The following SLC16A1 variants were observed in gnomAD, a reference collection of about 807,000 sequenced individuals.
SLC16A1 encodes the protein monocarboxylate transporter 1.
Under a neutral mutation model 32.2 loss-of-function variants are expected in SLC16A1, and 11 were observed. That is an observed-to-expected ratio of 0.34 (90% CI 0.21 to 0.56). The LOEUF is 0.56. Among genes scored for constraint, SLC16A1 ranks in the 20% least tolerant of loss-of-function variants. The probability of loss-of-function intolerance (pLI) is 0.87; values close to 1 mark genes in which losing one functional copy is unlikely to be tolerated. For synonymous variants in SLC16A1, 231 were observed against 226.8 expected (o/e 1.02, Z -0.17); for missense variants, 435 against 615.0 (o/e 0.71, Z 3.10).
intron 1 of SLC16A1, among the ~76,000 whole-genome samples, chr1:112,942,818 C>G (rs1322723771): frequency 2.0e-5 from 3 of 152,148 alleles, no homozygotes; most frequent in Non-Finnish European, 4.4e-5. Context: ...AATCCTAATC[C>G]TCTTGTACAG....
chr1:112,929,698 T>C (rs1649062808), intron 1 of SLC16A1, among the ~76,000 whole-genome samples: 1 of 152,010 alleles, frequency 6.6e-6, no homozygotes. Context: ...AATTAAAAAA[T>C]TAGCCAGACA....
chr1:112,917,745 C>A lies in SLC16A1; in HGVS notation c.661G>T (p.Gly221Cys). The change falls in exon 4 of 5, where the codon GGT (glycine) becomes TGT (cysteine). Residue 221 changes from glycine (G) to cysteine (C), a missense_variant. By Grantham distance (159) the Gly-to-Cys change is radical. Transcript: ENST00000369626. The surrounding 1 kb of genome is among the most constrained non-coding windows in gnomAD (Gnocchi z 4.1). ...KASLEKAGKSGVKKDLHDANT... is the reference protein window; with the variant it reads ...KASLEKAGKSCVKKDLHDANT... ...GCATCATGCAGATCTTTTTTCACACCAGATTTTCCAGCTTTCTCAAGGGAT... is the reference window on the plus strand; with the variant it reads ...GCATCATGCAGATCTTTTTTCACACAAGATTTTCCAGCTTTCTCAAGGGAT... The A allele has an allele frequency of 6.2e-7, 1 of 1,614,130 alleles. No homozygotes were observed. The highest frequency in any genetic ancestry group is 8.5e-7 in the Non-Finnish European group (1 of 1,180,026).
intron 1 of SLC16A1, among the ~76,000 whole-genome samples, chr1:112,946,829 G>T (rs1308398400): frequency 1.3e-5 from 2 of 152,050 alleles, no homozygotes; most frequent in South Asian, 2.1e-4. Context: ...CTGGGAGAAA[G>T]AACTTATCAA....
Position 112,924,112 on chromosome 1 carries a change from C to T in SLC16A1, c.218-1979G>A. ...CTGGTAGAGAAGGCCCTGCAGGCCG[C>T]GTATGGCGCCAGCGCCCCCAGCATG... is the stretch of plus-strand genomic sequence containing the variant. On this transcript the variant is annotated intron_variant, in intron 2 of 4. Coordinates refer to ENST00000369626, the MANE Select transcript of SLC16A1 (RefSeq NM_003051.4). 3.7e-6 allele frequency: 5 copies of T among 1,363,032 alleles called. No individual in the cohort carries two copies. The South Asian group carries it at 5.8e-5, about 16-fold the overall frequency. The allele number at this position is 1,363,032 out of a possible 1,614,324, so 84.4% of individuals were successfully genotyped here.
chr1:112,919,550 C>T (rs1487781954), intron 3 of SLC16A1, among the ~76,000 whole-genome samples: 2 of 152,084 alleles, frequency 1.3e-5, no homozygotes, highest in African/African-American at 4.8e-5. Context: ...TTTCAGGAAC[C>T]AGTAAAAATT....
chr1:112,941,259 C>T (rs1039112081), intron 1 of SLC16A1, among the ~76,000 whole-genome samples: 2 of 151,056 alleles, frequency 1.3e-5, no homozygotes, highest in African/African-American at 4.9e-5. Context: ...AAGTTTATCC[C>T]CTATAGACCT....
At chr1:112,923,439 C>T (rs1648812029) in intron 2 of SLC16A1, 6 of 694,900 alleles carry the variant, frequency 8.6e-6, no homozygotes, top group East Asian at 2.8e-5. Flanking sequence ...CGGCCCTCCA[C>T]GGTGTTGGGT....
At chr1:112,920,360 C>A (rs1648677360) in intron 3 of SLC16A1, among the ~76,000 whole-genome samples, 1 of 152,124 alleles carries the variant, frequency 6.6e-6, no homozygotes, top group Non-Finnish European at 1.5e-5. Flanking sequence ...GTAATCCCAG[C>A]ACTTTGGGAG....
chr1:112,950,178 C>T (rs1210153043), intron 1 of SLC16A1, among the ~76,000 whole-genome samples: 1 of 152,036 alleles, frequency 6.6e-6, no homozygotes, highest in Non-Finnish European at 1.5e-5. Flanking sequence ...GTTCACAGAC[C>T]CCTCGAATTC....
chr1:112,939,394 A>C (rs1239756453), intron 1 of SLC16A1, among the ~76,000 whole-genome samples: 1 of 152,216 alleles, frequency 6.6e-6, no homozygotes, highest in Non-Finnish European at 1.5e-5. Context: ...ATCCAAAGGA[A>C]CTGAAATCTG....
intron 1 of SLC16A1, among the ~76,000 whole-genome samples, chr1:112,931,769 T>C (rs1015251203): frequency 3.9e-5 from 6 of 152,002 alleles, no homozygotes; most frequent in Non-Finnish European, 7.4e-5. Context: ...TTACATTTTC[T>C]AATAAGATTT....
intron 1 of SLC16A1, among the ~76,000 whole-genome samples, chr1:112,936,568 C>CTAAT (rs1293246539): frequency 6.6e-6 from 1 of 151,304 alleles, no homozygotes; most frequent in African/African-American, 2.4e-5. Context: ...TATTTCTGAC[C>CTAAT]TAATCTCTTT....
intron 4 of SLC16A1, 24 bp from the exon 5 acceptor site, chr1:112,914,189 C>T (rs372983067): frequency 5.0e-6 from 8 of 1,613,220 alleles, no homozygotes; most frequent in African/African-American, 2.7e-5. Flanking sequence ...ACAACACAAA[C>T]AGTTGTTTCT....
intron 2 of SLC16A1, among the ~76,000 whole-genome samples, chr1:112,923,188 G>A (rs1409725326): frequency 3.9e-5 from 6 of 152,084 alleles, no homozygotes; most frequent in African/African-American, 7.2e-5. Flanking sequence ...GCGTGGTGGC[G>A]CATGCCTGTA....
chr1:112,955,339 C>G (rs1310581806), intron 1 of SLC16A1: 1 of 152,184 alleles, frequency 6.6e-6, no homozygotes, highest in Non-Finnish European at 1.5e-5. Context: ...CTCAACAGGG[C>G]CGCCTTAAGT....
At chr1:112,927,462 T>C (rs977341471) in intron 2 of SLC16A1, among the ~76,000 whole-genome samples, 1 of 152,108 alleles carries the variant, frequency 6.6e-6, no homozygotes, top group African/African-American at 2.4e-5. Context: ...GTGGTCCAAA[T>C]GAACAAGTTA....
chr1:112,917,034 A>G lies in SLC16A1; in HGVS notation c.1228+144T>C. On this transcript the variant is annotated intron_variant, in intron 4 of 4. Transcript: ENST00000369626. This position sits in a 1 kb window ranked among gnomAD's most constrained non-coding sequence, Gnocchi z 4.1. ...ATATTTGAGCAATTATGCTGTGCCA[A>G]GCATTGTCCCAGCATCAAGGGTACA... The G allele has an allele frequency of 2.9e-6, 3 of 1,037,860 alleles. No individual in the cohort carries two copies. The South Asian group carries it at 4.1e-5, about 14-fold the overall frequency. The allele number at this position is 1,037,860 out of a possible 1,614,324, so 64.3% of individuals were successfully genotyped here.
intron 2 of SLC16A1, among the ~76,000 whole-genome samples, chr1:112,924,830 G>A (rs527598273): frequency 2.0e-5 from 3 of 152,184 alleles, no homozygotes; most frequent in African/African-American, 7.2e-5. Flanking sequence ...AAGTTGCAGT[G>A]AGATGAGATC....
intron 1 of SLC16A1, among the ~76,000 whole-genome samples, chr1:112,934,830 A>G (rs1451132326): frequency 6.6e-6 from 1 of 152,204 alleles, no homozygotes; most frequent in Non-Finnish European, 1.5e-5. Flanking sequence ...GAGATACACT[A>G]TATTTGATTT....
Sources: gnomAD v4.1 joint callset for allele counts (sites outside exome capture counted in the v4.1 genomes callset) on GRCh38, gnomAD v4.1.1 for gene constraint, Gnocchi (gnomAD v3.1) non-coding constraint, MANE v1.5 for transcripts, NCBI Gene and HGNC (gene_info 2026-07-23, HGNC 2026-07-21) for gene names.